ABCA9: variants seen among roughly 807,000 people sequenced by gnomAD.
The protein encoded by ABCA9 is ATP binding cassette subfamily A member 9, also known as ATP-binding cassette sub-family A member 9.
A neutral mutation model predicts 205.3 loss-of-function variants in ABCA9; 183 were observed. The observed-to-expected ratio is 0.89, with a 90% CI of 0.79 to 1.01. The LOEUF (loss-of-function observed/expected upper bound fraction) is 1.01. Among genes scored for constraint, ABCA9 ranks in the 50% least tolerant of loss-of-function variants. The pLI, the probability that ABCA9 is intolerant of heterozygous loss-of-function variation, is 0.00. For synonymous variants in ABCA9, 651 were observed against 683.3 expected, an observed-to-expected ratio of 0.95 and a Z score of 0.74; for missense variants, 1,805 against 1,912.4, an observed-to-expected ratio of 0.94 and a Z score of 1.05.
rs1285000741 is a variant in ABCA9 at position 69,049,263 on chromosome 17, TGAACAACCAGG to T, written c.304+9_304+19del. On this transcript the variant is annotated intron_variant, in intron 3 of 38. Coordinates refer to ENST00000340001, the MANE Select transcript of ABCA9 (RefSeq NM_080283.4). ...CCTTTTGCAAATAAGGAAATTACTA[TGAACAACCAGG>T]GAACATACCTTTTAGGAATGGGGCT... 1.9e-6 allele frequency: 3 copies of T among 1,556,136 alleles called. No individual in the cohort carries two copies. Among genetic ancestry groups the T allele is most frequent in the African/African-American group, 2.7e-5 (2 of 72,792 alleles).
At chr17:69,063,851 C>T (rs992814504), upstream of ABCA9, among the ~76,000 whole-genome samples, 10 of 152,180 alleles carry the variant, frequency 6.6e-5, no homozygotes, top group Non-Finnish European at 8.8e-5. Context: ...GGATTACAGG[C>T]GTGAGCCACC....
chr17:69,047,215 C>T (rs906949689), intron 3 of ABCA9, among the ~76,000 whole-genome samples: 6 of 150,676 alleles, frequency 4.0e-5, no homozygotes, highest in African/African-American at 1.5e-4. Flanking sequence ...CCTCAGCCTC[C>T]CAAAGTGCTG....
chr17:69,016,123 TACACAC>T (rs145740691), intron 22 of ABCA9, 124 bp downstream of exon 22: 86 of 106,802 alleles, frequency 8.1e-4, no homozygotes, highest in Non-Finnish European at 1.3e-3. Context: ...TATATATATA[TACACAC>T]ACACACACAC....
rs1419804714 is a variant in ABCA9, at chr17:69,045,409, G to C, written c.305-73C>G. On this transcript the variant is annotated intron_variant, in intron 3 of 38. Coordinates refer to ENST00000340001, the MANE Select transcript of ABCA9 (RefSeq NM_080283.4). ...ACCTGGCCATATTCAATTATGTTGA[G>C]GTTATTTTATGTTAAAGCTATTCCT... 3 of 1,392,796 alleles carry C rather than the reference G, an allele frequency of 2.2e-6. No individual in the cohort carries two copies. In the East Asian group the frequency reaches 7.9e-5, roughly 37 times the overall value. The allele number at this position is 1,392,796 out of a possible 1,614,324, so 86.3% of individuals were successfully genotyped here. A position where few individuals can be genotyped will look rare whatever the true frequency, so the allele number is the denominator to read the frequency against.
Position 69,033,769 on chromosome 17 carries a change from A to G in ABCA9, c.1233T>C (p.Leu411=). 1 of 1,612,506 alleles carries G rather than the reference A, an allele frequency of 6.2e-7. No individual in the cohort carries two copies. Among genetic ancestry groups the G allele is most frequent in the Non-Finnish European group, 8.5e-7 (1 of 1,179,050 alleles). ...AATATAATGTCAATACCAAATACAG[A>G]AGGGTGTCAAAAACCAACATGAAAA... The part of the protein sequence containing the change: ...ATLFMLVFDT[L]LYLVLTLYFD... The change falls in exon 9 of 39, where the codon CTT becomes CTC. Residue 411 remains leucine (L), a synonymous_variant. Transcript: ENST00000340001.
At chr17:69,070,887 T>A in the ABCA9 span, among the ~76,000 whole-genome samples, 9 of 152,088 alleles carry the variant, frequency 5.9e-5, no homozygotes, top group Admixed American at 5.9e-4. Flanking sequence ...CGACCTGGGG[T>A]GCTCGAGCTT....
At chr17:69,064,649 T>C (rs1350176276), upstream of ABCA9, among the ~76,000 whole-genome samples, 1 of 152,172 alleles carries the variant, frequency 6.6e-6, no homozygotes, top group Non-Finnish European at 1.5e-5. Flanking sequence ...TTAAAGGAAA[T>C]AACATATGTA....
intron 1 of ABCA9, among the ~76,000 whole-genome samples, chr17:69,057,039 T>G (rs2072089661): frequency 6.6e-6 from 1 of 152,196 alleles, no homozygotes; most frequent in Non-Finnish European, 1.5e-5. Context: ...AGTCAAGGAA[T>G]AGGTTTGGTG....
At chr17:69,031,951 C>CT (rs2071164053) in intron 10 of ABCA9, among the ~76,000 whole-genome samples, 157 bp downstream of exon 10, 1 of 152,062 alleles carries the variant, frequency 6.6e-6, no homozygotes, top group East Asian at 1.9e-4. Context: ...AAATAGAGTG[C>CT]TATGAAGGAT....
At position 68,995,960 on chromosome 17, in the gene ABCA9, G is replaced by T; in HGVS notation, c.3490C>A (p.Leu1164Ile). ...GGTATTAACATGGTGCCAAAAAATA[G>T]CCCTAGAAATCCATATTCATTTAGA... ...TDLNEYGFLG[L>I]FFGTMLIPPF... The change falls in exon 26 of 39, where the codon CTA (leucine) becomes ATA (isoleucine). Residue 1164 changes from leucine to isoleucine, a missense_variant. Leu to Ile is a conservative substitution (Grantham distance 5). Coordinates refer to ENST00000340001, the MANE Select transcript of ABCA9 (RefSeq NM_080283.4). 6.2e-7 allele frequency: 1 copy of T among 1,613,626 alleles called. No individual in the cohort carries two copies. Among genetic ancestry groups the T allele is most frequent in the Non-Finnish European group, 8.5e-7 (1 of 1,179,844 alleles).
At chr17:69,001,546 A>G (rs1378541396) in intron 25 of ABCA9, among the ~76,000 whole-genome samples, 9 of 151,592 alleles carry the variant, frequency 5.9e-5, no homozygotes, top group Admixed American at 1.3e-4. Context: ...TTTTTGCATC[A>G]ATGTGCATCA....
the ABCA9 span, among the ~76,000 whole-genome samples, chr17:69,077,688 A>G: frequency 6.6e-6 from 1 of 152,116 alleles, no homozygotes; most frequent in Non-Finnish European, 1.5e-5. Context: ...GGGTGCTCCA[A>G]TGTTGGGTGC....
intron 37 of ABCA9, among the ~76,000 whole-genome samples, chr17:68,979,790 G>A (rs957805905): frequency 2.0e-4 from 30 of 152,170 alleles, no homozygotes; most frequent in Non-Finnish European, 3.4e-4. Context: ...AATTCAAGAT[G>A]GATTAAAGAC....
chr17:69,005,225 C>G (rs1348812295), intron 25 of ABCA9, among the ~76,000 whole-genome samples: 4 of 152,208 alleles, frequency 2.6e-5, no homozygotes, highest in East Asian at 1.9e-4. Flanking sequence ...GCCTGGAGGC[C>G]TAGATGCATA....
At chr17:69,009,677 A>C (rs1225459460) in intron 23 of ABCA9, among the ~76,000 whole-genome samples, 1 of 152,126 alleles carries the variant, frequency 6.6e-6, no homozygotes, top group Non-Finnish European at 1.5e-5. Context: ...GACGACTAAT[A>C]TGGACTTATA....
intron 3 of ABCA9, among the ~76,000 whole-genome samples, chr17:69,047,582 T>C (rs1169249004): frequency 6.6e-6 from 1 of 152,098 alleles, no homozygotes; most frequent in African/African-American, 2.4e-5. Flanking sequence ...GAAAAACAAG[T>C]TCTTATCAGT....
intron 29 of ABCA9, 140 bp downstream of exon 29, chr17:68,990,697 T>C: frequency 9.9e-7 from 1 of 1,009,582 alleles, no homozygotes; most frequent in Non-Finnish European, 1.4e-6. Context: ...GGGCCTTGCA[T>C]ACCTGCTGAA....
chr17:69,020,532 A>G lies in ABCA9; in HGVS notation c.2456T>C (p.Leu819Pro). Residue 819 changes from leucine to proline, a missense_variant, in exon 19 of 39, where the codon CTT (leucine) becomes CCT (proline). Physicochemically the swap from Leu to Pro is moderately conservative, Grantham distance 98 (BLOSUM62 -3). Coordinates refer to ENST00000340001, the MANE Select transcript of ABCA9 (RefSeq NM_080283.4). ...AGACAAAACTTGTTCCAGCTCAACAAGGCTTCCTATATCTTTTGCCCCATC... is the reference window on the plus strand; with the variant it reads ...AGACAAAACTTGTTCCAGCTCAACAGGGCTTCCTATATCTTTTGCCCCATC... ...QTDGAKDIGS[L>P]VELEQVLSSF... is the part of the protein sequence containing the mutation. 1 of 1,614,094 alleles carries G rather than the reference A, an allele frequency of 6.2e-7. No individual in the cohort carries two copies. The highest frequency in any genetic ancestry group is 8.5e-7 in the Non-Finnish European group (1 of 1,179,952).
At position 69,027,558 on chromosome 17, in the gene ABCA9, A is replaced by G. The variant is rs146968560; in HGVS notation, c.1791+82T>C. On this transcript the variant is annotated intron_variant, in intron 13 of 38. Coordinates refer to ENST00000340001, the MANE Select transcript of ABCA9 (RefSeq NM_080283.4). Reference sequence around the variant, plus strand: ...CTTTTTGCCTGAAATTTAGATGAGGAATTATGTATAACTTAGCACAATATT... The same window carrying G: ...CTTTTTGCCTGAAATTTAGATGAGGGATTATGTATAACTTAGCACAATATT... The G allele has an allele frequency of 7.5e-3, 11,703 of 1,559,756 alleles. 81 individuals are homozygous for G. The highest frequency in any genetic ancestry group is 0.013 in the Middle Eastern group (73 of 5,756).
Sources: allele counts gnomAD v4.1 joint callset (sites outside exome capture counted in the v4.1 genomes callset), GRCh38; gene constraint gnomAD v4.1.1; transcripts MANE v1.5; gene names NCBI Gene and HGNC (gene_info 2026-07-23, HGNC 2026-07-21).